SLC25A21: variants seen among roughly 807,000 people sequenced by gnomAD.
SLC25A21 encodes mitochondrial 2-oxodicarboxylate carrier.
A neutral mutation model predicts 43.8 loss-of-function variants in SLC25A21; 47 were observed. That is an observed-to-expected ratio of 1.07 (90% CI 0.85 to 1.37). The LOEUF is 1.37. SLC25A21 is among the 40% of genes most tolerant of loss of function. The probability of loss-of-function intolerance (pLI) is 0.00; values close to 1 mark genes in which losing one functional copy is unlikely to be tolerated. For synonymous variants in SLC25A21, 131 were observed against 121.3 expected (o/e 1.08, Z -0.52); for missense variants, 352 against 350.2 (o/e 1.00, Z -0.04).
At chr14:37,167,157 T>G (rs1964042999) in intron 1 of SLC25A21, among the ~76,000 whole-genome samples, 1 of 152,170 alleles carries the variant, frequency 6.6e-6, no homozygotes, top group African/African-American at 2.4e-5. Context: ...AAAGCTAAAT[T>G]GAGGGCATAT....
chr14:36,992,828 T>C (rs1960293083), intron 1 of SLC25A21, among the ~76,000 whole-genome samples: 1 of 152,188 alleles, frequency 6.6e-6, no homozygotes, highest in South Asian at 2.1e-4. Flanking sequence ...ATTACTGCAA[T>C]CATTTCTTTT....
chr14:36,977,599 A>G (rs558294495), intron 1 of SLC25A21, among the ~76,000 whole-genome samples: 83 of 152,296 alleles, frequency 5.4e-4, no homozygotes, highest in African/African-American at 1.9e-3. Flanking sequence ...CAGCCTCAGG[A>G]GGAAGATGTC....
At chr14:37,155,196 A>G (rs1301424181) in intron 1 of SLC25A21, among the ~76,000 whole-genome samples, 1 of 152,084 alleles carries the variant, frequency 6.6e-6, no homozygotes, top group African/African-American at 2.4e-5. Flanking sequence ...TCAGCCTCCC[A>G]AGTAGCTGGA....
chr14:36,883,257 C>T (rs1890800750), intron 1 of SLC25A21, among the ~76,000 whole-genome samples: 1 of 152,214 alleles, frequency 6.6e-6, no homozygotes, highest in Non-Finnish European at 1.5e-5. Flanking sequence ...TCCAGCCACA[C>T]TGGCTCTCTG....
intron 2 of SLC25A21, among the ~76,000 whole-genome samples, chr14:36,825,179 T>C (rs1373150320): frequency 6.6e-6 from 1 of 152,188 alleles, no homozygotes; most frequent in African/African-American, 2.4e-5. Context: ...AGTGTTTAAG[T>C]GCGTACTGAA....
chr14:36,902,619 G>A lies in SLC25A21; in HGVS notation c.71-27615C>T, dbSNP rs1891426389. ...TTTGTTTTTAAGTTTATTTTGGTTT[G>A]TGCTAGTGTTAATTTTTACGGCAGA... is the stretch of plus-strand genomic sequence containing the variant. On this transcript the variant is annotated intron_variant, in intron 1 of 9. Coordinates refer to ENST00000331299, the MANE Select transcript of SLC25A21 (RefSeq NM_030631.4). Among the ~76,000 whole-genome samples the A allele has an allele frequency of 2.6e-5, 4 of 152,290 alleles. No individual in the cohort carries two copies. The South Asian group carries it at 8.3e-4, about 32-fold the overall frequency.
intron 1 of SLC25A21, among the ~76,000 whole-genome samples, chr14:36,905,696 A>G (rs1891516384): frequency 6.6e-6 from 1 of 152,132 alleles, no homozygotes; most frequent in Non-Finnish European, 1.5e-5. Context: ...TGAAGGAGAA[A>G]GCAGATCAAA....
At chr14:37,121,936 T>C (rs1408304744) in intron 1 of SLC25A21, among the ~76,000 whole-genome samples, 2 of 149,516 alleles carry the variant, frequency 1.3e-5, no homozygotes, top group Non-Finnish European at 3.0e-5. Flanking sequence ...CTTCATCAAG[T>C]GTCCCCTAAT....
intron 7 of SLC25A21, among the ~76,000 whole-genome samples, chr14:36,702,366 C>T (rs1030342076): frequency 2.0e-5 from 3 of 149,228 alleles, no homozygotes; most frequent in South Asian, 4.3e-4. Flanking sequence ...TAGCCAGGTT[C>T]GGTGGCTCAT....
intron 1 of SLC25A21, among the ~76,000 whole-genome samples, chr14:36,908,078 G>A (rs1386000718): frequency 6.6e-6 from 1 of 152,130 alleles, no homozygotes; most frequent in Non-Finnish European, 1.5e-5. Flanking sequence ...GGAATGATAT[G>A]TAAAAAATGA....
intron 2 of SLC25A21, among the ~76,000 whole-genome samples, chr14:36,858,430 A>G (rs1291485469): frequency 1.3e-5 from 2 of 152,214 alleles, no homozygotes; most frequent in Admixed American, 1.3e-4. Context: ...AACATCATAG[A>G]TTCATGGGAG....
chr14:37,060,423 A>ATG (rs1961922770), intron 1 of SLC25A21, among the ~76,000 whole-genome samples: 11 of 136,314 alleles, frequency 8.1e-5, no homozygotes, highest in African/African-American at 1.8e-4. Flanking sequence ...TAATAATAAT[A>ATG]ATGATGTAAC....
intron 1 of SLC25A21, among the ~76,000 whole-genome samples, chr14:36,894,672 G>A (rs1891184669): frequency 6.6e-6 from 1 of 152,054 alleles, no homozygotes; most frequent in Admixed American, 6.5e-5. Context: ...TATTGGCTGT[G>A]GGTTTGTCAT....
intron 2 of SLC25A21, among the ~76,000 whole-genome samples, chr14:36,838,174 G>A (rs1479652750): frequency 2.0e-5 from 3 of 152,178 alleles, no homozygotes; most frequent in African/African-American, 7.2e-5. Context: ...CAGTGCACAC[G>A]GCTGCCAGGG....
chr14:36,716,301 C>T (rs899885541), intron 6 of SLC25A21, among the ~76,000 whole-genome samples: 20 of 152,084 alleles, frequency 1.3e-4, no homozygotes, highest in South Asian at 4.2e-4. Context: ...TGCAAAGCGT[C>T]AGCAGGATGA....
intron 1 of SLC25A21, among the ~76,000 whole-genome samples, chr14:36,989,836 T>A (rs577781911): frequency 6.6e-6 from 1 of 152,120 alleles, no homozygotes; most frequent in Non-Finnish European, 1.5e-5. Flanking sequence ...CTGGTTGTAA[T>A]TGACTCTCTA....
chr14:36,999,901 C>T (rs1291398828), intron 1 of SLC25A21, among the ~76,000 whole-genome samples: 1 of 152,100 alleles, frequency 6.6e-6, no homozygotes, highest in Non-Finnish European at 1.5e-5. Flanking sequence ...ATGAAAACTT[C>T]GCAAGGAAAG....
At chr14:36,912,454 A>T (rs1465521935) in intron 1 of SLC25A21, among the ~76,000 whole-genome samples, 9 of 152,130 alleles carry the variant, frequency 5.9e-5, no homozygotes, top group African/African-American at 2.2e-4. Context: ...GTGCTGCTAT[A>T]CAAGCAGCAG....
At chr14:37,128,116 C>T (rs1963328652) in intron 1 of SLC25A21, among the ~76,000 whole-genome samples, 1 of 152,190 alleles carries the variant, frequency 6.6e-6, no homozygotes, top group African/African-American at 2.4e-5. Flanking sequence ...TGTTCATCTC[C>T]TTACTTCCCA....
Sources: gnomAD v4.1 joint callset for allele counts (sites outside exome capture counted in the v4.1 genomes callset) on GRCh38, gnomAD v4.1.1 for gene constraint, MANE v1.5 for transcripts, NCBI Gene and HGNC (gene_info 2026-07-23, HGNC 2026-07-21) for gene names.